SLC39A5: variants seen among roughly 807,000 people sequenced by gnomAD.
SLC39A5 encodes the protein solute carrier family 39 member 5, also known as zinc transporter ZIP5.
A neutral mutation model predicts 46.9 loss-of-function variants in SLC39A5; 42 were observed. That is an observed-to-expected ratio of 0.90 (90% CI 0.70 to 1.16). The LOEUF is 1.16. Among genes scored for constraint, SLC39A5 ranks in the 50% most tolerant of loss-of-function variants. The pLI is 0.00. For missense variants in SLC39A5, 677 were observed against 686.8 expected, an observed-to-expected ratio of 0.99 and a Z score of 0.16; for synonymous variants, 311 against 323.1, an observed-to-expected ratio of 0.96 and a Z score of 0.40.
intron 6 of SLC39A5, 68 bp downstream of exon 6, chr12:56,235,054 C>T (rs1870599307): frequency 6.3e-7 from 1 of 1,598,876 alleles, no homozygotes; most frequent in Non-Finnish European, 8.5e-7. Context: ...AAAAAGGAGG[C>T]TCACTGGGGT....
rs201735180 is a variant in SLC39A5, at chr12:56,236,904, G to A, written c.1208-27G>A. On this transcript the variant is annotated intron_variant, in intron 10 of 12. Coordinates refer to ENST00000454355, the MANE Select transcript of SLC39A5 (RefSeq NM_173596.3). ...TCTGAGGAGACTTTTCTTCTGGACT[G>A]ACAACTTCCGACCCTGCTGGCCCCA... 5 of 1,613,312 alleles carry A rather than the reference G, an allele frequency of 3.1e-6. No homozygotes were observed. The South Asian group carries it at 4.4e-5, about 14-fold the overall frequency.
intron 8 of SLC39A5, 21 bp downstream of exon 8, chr12:56,235,721 C>G (rs758646346): frequency 6.2e-7 from 1 of 1,613,290 alleles, no homozygotes; most frequent in East Asian, 2.2e-5. Context: ...CCCTTTTCTC[C>G]TCCTTCTGCT....
chr12:56,235,218 G>A lies in SLC39A5; in HGVS notation c.696G>A (p.Leu232=). ...GCCTCCCTTCTCCCCTATCCCTGCT[G>A]CTGCTGCGGCTCCTGGGACCTCGTC... The part of the protein sequence containing the change: ...LLSLPSPLSL[L]LLRLLGPRLL... The change falls in exon 7 of 13, where the codon CTG becomes CTA. Residue 232 remains leucine, a synonymous_variant. Transcript: ENST00000454355. 6.3e-7 allele frequency: 1 copy of A among 1,583,672 alleles called. No homozygotes were observed. The highest frequency in any genetic ancestry group is 8.6e-7 in the Non-Finnish European group (1 of 1,166,536).
chr12:56,236,489 C>T lies in SLC39A5; in HGVS notation c.1039C>T (p.Pro347Ser). 6.2e-7 allele frequency: 1 copy of T among 1,614,228 alleles called. No individual in the cohort carries two copies. The highest frequency in any genetic ancestry group is 2.2e-5 in the East Asian group (1 of 44,886). Residue 347 changes from proline (P) to serine (S), a missense_variant, in exon 9 of 13, where the codon CCA becomes TCA. Physicochemically the swap from Pro to Ser is moderately conservative, Grantham distance 74. Transcript: ENST00000454355. ...GGCCCTTCAGCCCCTACAGGCAGCT[C>T]CAGGTGACTAGAGGAGAAAATTTGA... ...GMALQPLQAA[P>S]EPGAQGQREK...
At position 56,235,154 on chromosome 12, in the gene SLC39A5, C is replaced by G; in HGVS notation, c.635-3C>G. The G allele has an allele frequency of 6.5e-7, 1 of 1,549,998 alleles. No homozygotes were observed. The highest frequency in any genetic ancestry group is 8.7e-7 in the Non-Finnish European group (1 of 1,149,366). ...CCTAACTTCAGCCCCTGATTCTCCC[C>G]AGCCCTGCTTCAGAGTGCCCTGGCA... On this transcript the variant is annotated splice_polypyrimidine_tract_variant and splice_region_variant and intron_variant, in intron 6 of 12. Transcript: ENST00000454355.
In SLC39A5 at chr12:56,231,278, ATGGGGTCCCCAG is replaced by A; in HGVS notation, c.7_18del (p.Gly3_Val6del). On this transcript the variant is annotated inframe_deletion, in exon 4 of 13. Coordinates refer to ENST00000454355, the MANE Select transcript of SLC39A5 (RefSeq NM_173596.3). ...CCCTAAGCTATTCCCCTCACCAATGATGGGGTCCCCAGTGAGTCATCTGCTGGCCGGCTTCTG... is the reference window on the plus strand; with the variant it reads ...CCCTAAGCTATTCCCCTCACCAATGATGAGTCATCTGCTGGCCGGCTTCTG... 6.2e-7 allele frequency: 1 copy of A among 1,601,990 alleles called. No homozygotes were observed. Among genetic ancestry groups the A allele is most frequent in the Non-Finnish European group, 8.5e-7 (1 of 1,173,312 alleles).
rs754622450 is a variant in SLC39A5 at position 56,235,327 on chromosome 12, G to A, written c.804+1G>A. 5.0e-5 allele frequency: 76 copies of A among 1,516,786 alleles called. No homozygotes were observed. The highest frequency in any genetic ancestry group is 6.1e-5 in the Non-Finnish European group (69 of 1,139,640). The allele number at this position is 1,516,786 out of a possible 1,614,324, so 94.0% of individuals were successfully genotyped here. ...TGCACTGCTACATCTGCTACCGCAT[G>A]TATGTGAAGCCCCTTCCTTGTACCC... is the stretch of plus-strand genomic sequence containing the variant. On this transcript the variant is annotated splice_donor_variant, in intron 7 of 12. Coordinates refer to ENST00000454355, the MANE Select transcript of SLC39A5 (RefSeq NM_173596.3). LOFTEE classifies it high-confidence loss of function.
In SLC39A5 at chr12:56,235,011, G is replaced by C. The variant is rs980017876; in HGVS notation, c.634+25G>C. 3 of 1,611,240 alleles carry C rather than the reference G, an allele frequency of 1.9e-6. No homozygotes were observed. In the African/African-American group the frequency reaches 4.0e-5, roughly 22 times the overall value. Reference sequence around the variant, plus strand: ...GGTCAGCAAGTAGGAGTGGGTGGGGGACACCCTGAATCCTGGAAGTGGGGC... The same window carrying C: ...GGTCAGCAAGTAGGAGTGGGTGGGGCACACCCTGAATCCTGGAAGTGGGGC... On this transcript the variant is annotated intron_variant, in intron 6 of 12. Transcript: ENST00000454355.
At chr12:56,230,964 G>A (rs1323349757) in intron 3 of SLC39A5, 91 bp downstream of exon 3, 5 of 338,722 alleles carry the variant, frequency 1.5e-5, no homozygotes, top group African/African-American at 4.2e-5. Context: ...GGGGTTTAGG[G>A]GACAAGGAAT....
rs1870977445 is a variant in SLC39A5, at chr12:56,237,767, T to G, written c.*36T>G. 1 of 1,501,782 alleles carries G rather than the reference T, an allele frequency of 6.7e-7. No individual in the cohort carries two copies. The highest frequency in any genetic ancestry group is 8.9e-7 in the Non-Finnish European group (1 of 1,127,982). 93.0% of individuals were successfully genotyped at this position (1,501,782 alleles called of 1,614,324 possible). On this transcript the variant is annotated 3_prime_UTR_variant, in exon 13 of 13. Transcript: ENST00000454355. ...GGAAAGGGGTCGGGTTGCCCTTCCT[T>G]CCCCCCAACCACAGGAATGGAGGCG... is the stretch of plus-strand genomic sequence containing the variant.
Position 56,235,324 on chromosome 12 carries a change from C to T in SLC39A5, c.802C>T (p.His268Tyr). 1 of 1,518,030 alleles carries T rather than the reference C, an allele frequency of 6.6e-7. No homozygotes were observed. Among genetic ancestry groups the T allele is most frequent in the East Asian group, 2.3e-5 (1 of 44,118 alleles). 94.0% of individuals were successfully genotyped at this position (1,518,030 alleles called of 1,614,324 possible). Residue 268 changes from histidine (H) to tyrosine (Y), a missense_variant and splice_region_variant, in exon 7 of 13, where the codon CAT (histidine) becomes TAT (tyrosine). Physicochemically the swap from His to Tyr is moderately conservative, Grantham distance 83. Coordinates refer to ENST00000454355, the MANE Select transcript of SLC39A5 (RefSeq NM_173596.3). ...CGDALLHLLP[H>Y]AQEGRHAGPG... ...GGATGCACTGCTACATCTGCTACCG[C>T]ATGTATGTGAAGCCCCTTCCTTGTA...
Position 56,234,815 on chromosome 12 carries a change from A to T in SLC39A5, c.472-9A>T. ...GTGATTCTCCAATGTATGACCCTCA[A>T]TTCTCCAGTGTCTGAACGGCTCCCA... On this transcript the variant is annotated splice_polypyrimidine_tract_variant and intron_variant, in intron 5 of 12. Coordinates refer to ENST00000454355, the MANE Select transcript of SLC39A5 (RefSeq NM_173596.3). 6.2e-7 allele frequency: 1 copy of T among 1,613,302 alleles called. No individual in the cohort carries two copies. Among genetic ancestry groups the T allele is most frequent in the Non-Finnish European group, 8.5e-7 (1 of 1,179,974 alleles).
chr12:56,237,162 T>G lies in SLC39A5; in HGVS notation c.1301T>G (p.Met434Arg). 1 of 1,613,840 alleles carries G rather than the reference T, an allele frequency of 6.2e-7. No individual in the cohort carries two copies. Among genetic ancestry groups the G allele is most frequent in the African/African-American group, 1.3e-5 (1 of 75,052 alleles). ...ELPHELGDFA[M>R]LLQSGLSFRR... ...CTGTCTCCAATAGGTGACTTTGCCA[T>G]GCTGCTCCAGTCAGGGCTGTCCTTT... The change falls in exon 12 of 13, where the codon ATG (methionine) becomes AGG (arginine). Residue 434 changes from methionine (M) to arginine (R), a missense_variant. Transcript: ENST00000454355.
At position 56,236,500 on chromosome 12, in the gene SLC39A5, G is replaced by A; in HGVS notation, c.1042+8G>A. ...CCCTACAGGCAGCTCCAGGTGACTA[G>A]AGGAGAAAATTTGAAGAGTAGGTTC... On this transcript the variant is annotated splice_region_variant and intron_variant, in intron 9 of 12. Coordinates refer to ENST00000454355, the MANE Select transcript of SLC39A5 (RefSeq NM_173596.3). 6.8e-6 allele frequency: 11 copies of A among 1,614,232 alleles called. No individual in the cohort carries two copies. The highest frequency in any genetic ancestry group is 9.3e-6 in the Non-Finnish European group (11 of 1,180,032).
At position 56,236,492 on chromosome 12, in the gene SLC39A5, G is replaced by C; in HGVS notation, c.1042G>C (p.Glu348Gln). 6.2e-7 allele frequency: 1 copy of C among 1,614,262 alleles called. No homozygotes were observed. Among genetic ancestry groups the C allele is most frequent in the Non-Finnish European group, 8.5e-7 (1 of 1,180,048 alleles). The change falls in exon 9 of 13, where the codon GAG becomes CAG. Residue 348 changes from glutamate to glutamine, a missense_variant and splice_region_variant. Coordinates refer to ENST00000454355, the MANE Select transcript of SLC39A5 (RefSeq NM_173596.3). Reference sequence around the variant, plus strand: ...CCTTCAGCCCCTACAGGCAGCTCCAGGTGACTAGAGGAGAAAATTTGAAGA... The same window carrying C: ...CCTTCAGCCCCTACAGGCAGCTCCACGTGACTAGAGGAGAAAATTTGAAGA... Reference protein sequence around the residue: ...MALQPLQAAPEPGAQGQREKN... With the variant: ...MALQPLQAAPQPGAQGQREKN...
intron 4 of SLC39A5, 108 bp downstream of exon 4, chr12:56,231,669 A>G: frequency 8.1e-7 from 1 of 1,231,678 alleles, no homozygotes; most frequent in East Asian, 2.5e-5. Flanking sequence ...GGAGTTACAA[A>G]TTCTTCAGAA....
Position 56,237,622 on chromosome 12 carries a change from C to A in SLC39A5, c.1514C>A (p.Pro505His), listed in dbSNP as rs1216133393. 1 of 1,613,620 alleles carries A rather than the reference C, an allele frequency of 6.2e-7. No individual in the cohort carries two copies. Among genetic ancestry groups the A allele is most frequent in the Non-Finnish European group, 8.5e-7 (1 of 1,179,880 alleles). The change falls in exon 13 of 13, where the codon CCT becomes CAT. Residue 505 changes from proline (P) to histidine (H), a missense_variant. Transcript: ENST00000454355. ...CTGCTTCGTCCTCCGGAGCCCCTGC[C>A]TACGCCCCATGTGCTCCTGCAGGGG... ...PALLRPPEPL[P>H]TPHVLLQGLG...
intron 8 of SLC39A5, 87 bp from the exon 9 acceptor site, chr12:56,236,309 G>A (rs1475410864): frequency 3.2e-6 from 4 of 1,232,964 alleles, no homozygotes; most frequent in South Asian, 1.2e-5. Context: ...GGAACCAGGT[G>A]TTCATCTTCC....
chr12:56,237,297 G>A lies in SLC39A5; in HGVS notation c.1436G>A (p.Gly479Glu), dbSNP rs2135866149. ...GTCCCCCTCACTCCCTGGGTGTTTGGGGTCACTGCTGGGGTCTTCCTCTAT... is the reference window on the plus strand; with the variant it reads ...GTCCCCCTCACTCCCTGGGTGTTTGAGGTCACTGCTGGGGTCTTCCTCTAT... The part of the protein sequence containing the change: ...GPVPLTPWVF[G>E]VTAGVFLYVA... Residue 479 changes from glycine (G) to glutamate (E), a missense_variant, in exon 12 of 13, where the codon GGG becomes GAG. Transcript: ENST00000454355. 6.2e-7 allele frequency: 1 copy of A among 1,612,182 alleles called. No homozygotes were observed. Among genetic ancestry groups the A allele is most frequent in the Non-Finnish European group, 8.5e-7 (1 of 1,179,020 alleles).
Sources: allele counts gnomAD v4.1 joint callset, GRCh38; gene constraint gnomAD v4.1.1; transcripts MANE v1.5; gene names NCBI Gene and HGNC (gene_info 2026-07-23, HGNC 2026-07-21).